The following NRXN3 variants were observed in gnomAD, a reference collection of about 807,000 sequenced individuals.
NRXN3 encodes the protein neurexin 3.
A neutral mutation model predicts 137.6 loss-of-function variants in NRXN3; 32 were observed. The observed-to-expected ratio is 0.23, with a 90% CI of 0.18 to 0.31. NRXN3 has a LOEUF of 0.31. Ranked by LOEUF, NRXN3 falls within the 10% of genes least tolerant of loss-of-function variation. NRXN3 has a pLI of 1.00. For missense variants in NRXN3, 1,574 were observed against 2,062.5 expected, an observed-to-expected ratio of 0.76 and a Z score of 4.59; for synonymous variants, 798 against 784.5, an observed-to-expected ratio of 1.02 and a Z score of -0.29.
At chr14:79,745,247 T>TTAGA (rs2098976099) in intron 19 of NRXN3, among the ~76,000 whole-genome samples, 1 of 152,114 alleles carries the variant, frequency 6.6e-6, no homozygotes, top group African/African-American at 2.4e-5. Flanking sequence ...AGGGATGCTC[T>TTAGA]TAGATAGGCT....
chr14:78,173,631 T>TAG (rs1419719016), intron 1 of NRXN3, among the ~76,000 whole-genome samples: 4 of 106,726 alleles, frequency 3.7e-5, no homozygotes, highest in Non-Finnish European at 5.5e-5. Context: ...GCACCCCCCC[T>TAG]TCCTCCAGCC....
At chr14:79,149,243 G>T (rs375287153) in intron 15 of NRXN3, among the ~76,000 whole-genome samples, 1 of 151,926 alleles carries the variant, frequency 6.6e-6, no homozygotes, top group Non-Finnish European at 1.5e-5. Context: ...AGATCTTCAC[G>T]TTGAAACCCA....
intron 20 of NRXN3, among the ~76,000 whole-genome samples, chr14:79,829,598 C>T (rs1303874593): frequency 1.3e-5 from 2 of 152,138 alleles, no homozygotes; most frequent in Non-Finnish European, 2.9e-5. Flanking sequence ...TTTAATTACC[C>T]ACGCATGATC....
intron 15 of NRXN3, among the ~76,000 whole-genome samples, chr14:79,362,896 C>G (rs2093735707): frequency 6.6e-6 from 1 of 152,122 alleles, no homozygotes; most frequent in Non-Finnish European, 1.5e-5. Flanking sequence ...AGAGTCCTGG[C>G]AGAACAAAGC....
intron 16 of NRXN3, among the ~76,000 whole-genome samples, chr14:79,590,168 CGTGGGAGGAACCCA>C (rs2097791303): frequency 6.6e-6 from 1 of 152,012 alleles, no homozygotes; most frequent in South Asian, 2.1e-4. Context: ...TCCCACATGT[CGTGGGAGGAACCCA>C]GTGGGAGGTA....
At chr14:78,852,894 GTTTGT>G (rs919979486) in intron 10 of NRXN3, among the ~76,000 whole-genome samples, 2 of 148,192 alleles carry the variant, frequency 1.3e-5, no homozygotes, top group African/African-American at 5.0e-5. Flanking sequence ...TTTTTTTTGA[GTTTGT>G]TTTAATTTTT....
At chr14:78,646,730 A>G (rs1177343466) in intron 5 of NRXN3, among the ~76,000 whole-genome samples, 1 of 152,212 alleles carries the variant, frequency 6.6e-6, no homozygotes. Context: ...AAGCATCTTG[A>G]CATTCATGAA....
rs1448887317 is a variant in NRXN3, at chr14:78,445,419, G to A, written c.757+147559G>A. The stretch of plus-strand genomic sequence containing the variant: ...TTTTTGAATGTTAGTGCAGCCAGAG[G>A]GCCTGAAAAGTGACGGGGAGGCAGA... On this transcript the variant is annotated intron_variant, in intron 4 of 20. Transcript: ENST00000335750. Among the ~76,000 whole-genome samples, 2 of 152,276 alleles carry A rather than the reference G, an allele frequency of 1.3e-5. 1 individual carries two copies. Among genetic ancestry groups the A allele is most frequent in the South Asian group, 4.1e-4 (2 of 4,828 alleles).
At chr14:78,321,008 C>CA (rs1210778562) in intron 4 of NRXN3, among the ~76,000 whole-genome samples, 6 of 151,898 alleles carry the variant, frequency 4.0e-5, no homozygotes, top group Non-Finnish European at 8.8e-5. Context: ...CCCAGCTACT[C>CA]AGGAGGCTGA....
At chr14:79,690,494 T>A (rs563403902) in intron 17 of NRXN3, among the ~76,000 whole-genome samples, 69 of 152,236 alleles carry the variant, frequency 4.5e-4, no homozygotes, top group Non-Finnish European at 7.8e-4. Flanking sequence ...ATTGTTCCTA[T>A]TGCATTTTAT....
At chr14:78,652,797 C>A (rs967597189) in intron 6 of NRXN3, among the ~76,000 whole-genome samples, 1 of 152,172 alleles carries the variant, frequency 6.6e-6, no homozygotes, top group African/African-American at 2.4e-5. Context: ...CATTGAGTAC[C>A]TTTTTTGTGC....
intron 4 of NRXN3, among the ~76,000 whole-genome samples, chr14:78,301,855 G>T (rs968857185): frequency 6.6e-6 from 1 of 152,130 alleles, no homozygotes; most frequent in African/African-American, 2.4e-5. Context: ...TCCACTTTGG[G>T]GTTGGTTGAT....
chr14:79,388,796 C>T (rs1472521655), intron 15 of NRXN3, among the ~76,000 whole-genome samples: 1 of 152,128 alleles, frequency 6.6e-6, no homozygotes, highest in Non-Finnish European at 1.5e-5. Context: ...TGAATTGTAG[C>T]TCCCATAATG....
intron 16 of NRXN3, among the ~76,000 whole-genome samples, chr14:79,475,895 A>G (rs968683053): frequency 1.3e-5 from 2 of 152,166 alleles, no homozygotes; most frequent in Admixed American, 6.6e-5. Flanking sequence ...AGCTAGCTGA[A>G]TAAGTTCTGA....
chr14:79,772,741 C>A (rs2099082998), intron 19 of NRXN3, among the ~76,000 whole-genome samples: 1 of 151,724 alleles, frequency 6.6e-6, no homozygotes, highest in Admixed American at 6.6e-5. Flanking sequence ...TCTAAAACAC[C>A]AAAAGCAATG....
rs536612161 is a variant in NRXN3, at chr14:79,822,549, G to A, written c.4093+17359G>A. 9.0e-4 allele frequency among the ~76,000 whole-genome samples: 136 copies of A among 151,668 alleles called. 1 individual carries two copies. Among genetic ancestry groups the A allele is most frequent in the Middle Eastern group, 3.4e-3 (1 of 294 alleles). ...TCTCAGGCATTGAAAACAAACATCCGAAAAAGCAAAAAAACAAGAGTTTTA... is the reference window on the plus strand; with the variant it reads ...TCTCAGGCATTGAAAACAAACATCCAAAAAAGCAAAAAAACAAGAGTTTTA... On this transcript the variant is annotated intron_variant, in intron 20 of 20. Transcript: ENST00000335750.
At position 79,035,405 on chromosome 14, in the gene NRXN3, C is replaced by A. The variant is rs372952329; in HGVS notation, c.3262+47264C>A. Among the ~76,000 whole-genome samples the A allele has an allele frequency of 6.6e-5, 10 of 152,080 alleles. No individual in the cohort carries two copies. The East Asian group carries it at 1.5e-3, about 24-fold the overall frequency. ...TTATATAAAACGTGCCATATTTGGT[C>A]TTTTCATGAAATGTATCTGATATTC... On this transcript the variant is annotated intron_variant, in intron 15 of 20. Coordinates refer to ENST00000335750, the MANE Select transcript of NRXN3 (RefSeq NM_001330195.2).
chr14:78,448,996 C>A (rs2094488994), intron 4 of NRXN3, among the ~76,000 whole-genome samples: 1 of 152,164 alleles, frequency 6.6e-6, no homozygotes, highest in Non-Finnish European at 1.5e-5. Context: ...AATCTCCCCA[C>A]CCTGGGCGCG....
At chr14:78,934,415 G>C (rs544870246) in intron 10 of NRXN3, among the ~76,000 whole-genome samples, 2 of 152,082 alleles carry the variant, frequency 1.3e-5, no homozygotes, top group Non-Finnish European at 2.9e-5. Context: ...GAGAACCCAG[G>C]GGGTGTCTTT....
Sources: allele counts gnomAD v4.1 joint callset (sites outside exome capture counted in the v4.1 genomes callset), GRCh38; gene constraint gnomAD v4.1.1; transcripts MANE v1.5; gene names NCBI Gene and HGNC (gene_info 2026-07-23, HGNC 2026-07-21).